CACNA1I: variants seen among roughly 807,000 people sequenced by gnomAD.
The protein encoded by CACNA1I is voltage-dependent T-type calcium channel subunit alpha-1I.
CACNA1I carries 74 observed loss-of-function variants against 201.6 expected under a neutral mutation model. The observed-to-expected ratio is 0.37, with a 90% CI of 0.30 to 0.45. CACNA1I has a LOEUF of 0.45. CACNA1I is among the 20% of genes least tolerant of loss of function. The pLI is 1.00. For synonymous variants in CACNA1I, 1,431 were observed against 1,345.2 expected (o/e 1.06, Z -1.40); for missense variants, 2,346 against 3,138.1 (o/e 0.75, Z 6.03).
Position 39,670,860 on chromosome 22 carries a change from C to T in CACNA1I, c.4445C>T (p.Ser1482Phe), listed in dbSNP as rs374998349. The part of the protein sequence containing the change: ...TYCHTRLLIH[S>F]MCTSHYLDIF... ...TGTCACACCCGGCTGCTCATCCACTCCATGTGCACCAGCCACTACCTGGAC... is the reference window on the plus strand; with the variant it reads ...TGTCACACCCGGCTGCTCATCCACTTCATGTGCACCAGCCACTACCTGGAC... Residue 1482 changes from serine (S) to phenylalanine (F), a missense_variant, in exon 26 of 37, where the codon TCC becomes TTC. Transcript: ENST00000402142. 1.2e-6 allele frequency: 2 copies of T among 1,613,852 alleles called. No homozygotes were observed. Among genetic ancestry groups the T allele is most frequent in the East Asian group, 4.5e-5 (2 of 44,880 alleles).
chr22:39,579,851 G>C (rs1183534535), intron 1 of CACNA1I, among the ~76,000 whole-genome samples: 2 of 152,172 alleles, frequency 1.3e-5, no homozygotes, highest in African/African-American at 2.4e-5. Context: ...GTTTTGCCAT[G>C]TTGGGCAAGC....
intron 5 of CACNA1I, among the ~76,000 whole-genome samples, chr22:39,634,973 G>A (rs1449183307): frequency 6.6e-6 from 1 of 152,132 alleles, no homozygotes; most frequent in Non-Finnish European, 1.5e-5. Flanking sequence ...CCCCTTGGTG[G>A]CTGAGTCATC....
chr22:39,571,791 A>C (rs111602469), intron 1 of CACNA1I, among the ~76,000 whole-genome samples: 1 of 152,222 alleles, frequency 6.6e-6, no homozygotes, highest in African/African-American at 2.4e-5. Flanking sequence ...TAACTGTCAC[A>C]TCTAACTGTG....
rs769475580 is a variant in CACNA1I, at chr22:39,679,148, G to A, written c.5097G>A (p.Leu1699=). 4.4e-6 allele frequency: 7 copies of A among 1,594,400 alleles called. No individual in the cohort carries two copies. The South Asian group carries it at 5.7e-5, about 13-fold the overall frequency. Residue 1699 remains leucine (L), a synonymous_variant, in exon 32 of 37, where the codon CTG becomes CTA. Transcript: ENST00000402142. ...RDCTHDERSC[L]SSLQFVSPLY... is the part of the protein sequence containing the mutation. ...GCACCCACGACGAGCGCAGCTGCCT[G>A]AGCAGCCTGCAGTTTGTGTCGCCGC...
At chr22:39,667,488 G>A (rs7289797) in intron 23 of CACNA1I, among the ~76,000 whole-genome samples, 3,709 of 152,270 alleles carry the variant, frequency 0.024, 163 homozygotes, top group African/African-American at 0.084. Context: ...GATGAAATGG[G>A]ACCCTTTGTG....
At chr22:39,613,305 C>T (rs1174584087) in intron 3 of CACNA1I, among the ~76,000 whole-genome samples, 2 of 152,226 alleles carry the variant, frequency 1.3e-5, no homozygotes, top group African/African-American at 4.8e-5. Flanking sequence ...GGGCTCTGAG[C>T]CAACCCCTGC....
Position 39,570,900 on chromosome 22 carries a change from C to T in CACNA1I, c.148C>T (p.Pro50Ser), listed in dbSNP as rs769967603. ...TCTGGATGGAGCTGATCCTCATGTC[C>T]CACACCCAGACCTGGCGCCTATTGC... ...EPLDGADPHV[P>S]HPDLAPIAFF... The change falls in exon 1 of 37, where the codon CCA becomes TCA. Residue 50 changes from proline (P) to serine (S), a missense_variant. Physicochemically the swap from Pro to Ser is moderately conservative, Grantham distance 74. Transcript: ENST00000402142. 16 of 1,613,732 alleles carry T rather than the reference C, an allele frequency of 9.9e-6. No homozygotes were observed. The South Asian group carries it at 1.8e-4, about 18-fold the overall frequency.
intron 5 of CACNA1I, among the ~76,000 whole-genome samples, chr22:39,639,317 T>G (rs767136503): frequency 2.6e-5 from 4 of 152,248 alleles, no homozygotes; most frequent in African/African-American, 4.8e-5. Context: ...TTTGTATATT[T>G]TGTCTCAGTG....
chr22:39,680,728 G>A lies in CACNA1I; in HGVS notation c.5542-202G>A, dbSNP rs142635108. On this transcript the variant is annotated intron_variant, in intron 33 of 36. Transcript: ENST00000402142. ...CTCAGAGCTGGCTTCCACTGGAGGT[G>A]GCCACTGTGTCACCATCGCATGTCA... Among the ~76,000 whole-genome samples the A allele has an allele frequency of 2.6e-3, 396 of 152,314 alleles. 2 individuals are homozygous for A. The highest frequency in any genetic ancestry group is 9.2e-3 in the African/African-American group (381 of 41,568).
At chr22:39,678,226 C>T (rs1935576695) in intron 31 of CACNA1I, 118 bp downstream of exon 31, 1 of 1,230,896 alleles carries the variant, frequency 8.1e-7, no homozygotes, top group Non-Finnish European at 1.1e-6. Flanking sequence ...GAGGGGCATG[C>T]AGGGCACGGA....
rs1289963046 is a variant in CACNA1I, at chr22:39,673,049, A to G, written c.4750A>G (p.Ile1584Val). The change falls in exon 28 of 37, where the codon ATC becomes GTC. Residue 1584 changes from isoleucine (I) to valine (V), a missense_variant. By Grantham distance (29) the Ile-to-Val change is conservative. Transcript: ENST00000402142. Reference protein sequence around the residue: ...NAALPINPTIIRIMRVLRIAR... With the variant: ...NAALPINPTIVRIMRVLRIAR... ...GGCCCTGCCCATCAATCCCACCATC[A>G]TCCGCATCATGAGGGTTCTGCGCAT... The G allele has an allele frequency of 6.2e-7, 1 of 1,613,552 alleles. No homozygotes were observed. Among genetic ancestry groups the G allele is most frequent in the South Asian group, 1.1e-5 (1 of 91,068 alleles).
intron 1 of CACNA1I, among the ~76,000 whole-genome samples, chr22:39,587,907 CTGGGACTACAGGCA>C (rs937100136): frequency 3.3e-5 from 5 of 151,854 alleles, no homozygotes; most frequent in Admixed American, 1.3e-4. Context: ...TCTGGAGTAG[CTGGGACTACAGGCA>C]TGTGCCACCA....
At chr22:39,606,898 A>C (rs533002319) in intron 3 of CACNA1I, among the ~76,000 whole-genome samples, 1 of 152,378 alleles carries the variant, frequency 6.6e-6, no homozygotes, top group Non-Finnish European at 1.5e-5. Context: ...GAGGTCATGA[A>C]CTATTCAATC....
chr22:39,572,150 G>A (rs1040369583), intron 1 of CACNA1I, among the ~76,000 whole-genome samples: 7 of 152,140 alleles, frequency 4.6e-5, no homozygotes, highest in Admixed American at 2.0e-4. Context: ...TGCTCCAAGG[G>A]CAGGATTTGA....
At position 39,600,455 on chromosome 22, in the gene CACNA1I, G is replaced by A. The variant is rs375564011; in HGVS notation, c.349-65G>A. On this transcript the variant is annotated intron_variant, in intron 2 of 36. Transcript: ENST00000402142. ...GGTGTCCCCACCTCACACTGTGGCT[G>A]CAACCCCTGGGCCCTGCTCTGCAAC... The A allele has an allele frequency of 5.7e-6, 8 of 1,410,930 alleles. No homozygotes were observed. In the South Asian group the frequency reaches 7.2e-5, roughly 13 times the overall value. The allele number at this position is 1,410,930 out of a possible 1,614,324, so 87.4% of individuals were successfully genotyped here.
chr22:39,669,199 G>T (rs1220982964), intron 24 of CACNA1I, among the ~76,000 whole-genome samples: 1 of 152,226 alleles, frequency 6.6e-6, no homozygotes, highest in Admixed American at 6.5e-5. Context: ...AGGGCTGTGT[G>T]CAACTCCCAG....
intron 1 of CACNA1I, among the ~76,000 whole-genome samples, chr22:39,583,318 AT>A (rs1310920694): frequency 6.6e-6 from 1 of 151,116 alleles, no homozygotes; most frequent in African/African-American, 2.4e-5. Flanking sequence ...CCAACCATAC[AT>A]TCATCTATCC....
intron 2 of CACNA1I, among the ~76,000 whole-genome samples, chr22:39,599,149 C>T: frequency 6.7e-6 from 1 of 148,214 alleles, no homozygotes; most frequent in Non-Finnish European, 1.5e-5. Flanking sequence ...GGGGTTTCAC[C>T]ATGTTAGCCA....
chr22:39,670,691 C>A lies in CACNA1I; in HGVS notation c.4388-112C>A, dbSNP rs1173359120. On this transcript the variant is annotated intron_variant, in intron 25 of 36. Coordinates refer to ENST00000402142, the MANE Select transcript of CACNA1I (RefSeq NM_021096.4). ...CCCAGGGCCTGGGGTGGATCAACATCTTCCTCTTTGCCCCCTCCCTTTCCT... is the reference window on the plus strand; with the variant it reads ...CCCAGGGCCTGGGGTGGATCAACATATTCCTCTTTGCCCCCTCCCTTTCCT... 9.8e-6 allele frequency: 10 copies of A among 1,015,746 alleles called. No homozygotes were observed. The East Asian group carries it at 1.9e-4, about 19-fold the overall frequency. The allele number at this position is 1,015,746 out of a possible 1,614,324, so 62.9% of individuals were successfully genotyped here.
Sources: allele counts gnomAD v4.1 joint callset (sites outside exome capture counted in the v4.1 genomes callset), GRCh38; gene constraint gnomAD v4.1.1; transcripts MANE v1.5; gene names NCBI Gene and HGNC (gene_info 2026-07-23, HGNC 2026-07-21).